EXD3: variants seen among roughly 807,000 people sequenced by gnomAD.
EXD3 encodes exonuclease 3'-5' domain containing 3.
A neutral mutation model predicts 98.0 loss-of-function variants in EXD3; 92 were observed. That is an observed-to-expected ratio of 0.94 (90% CI 0.79 to 1.12). The LOEUF is 1.12. Ranked by LOEUF, EXD3 falls within the 50% of genes most tolerant of loss-of-function variation. The probability of loss-of-function intolerance (pLI) is 0.00; values close to 1 mark genes in which losing one functional copy is unlikely to be tolerated. For synonymous variants in EXD3, 569 were observed against 526.0 expected (o/e 1.08, Z -1.12); for missense variants, 1,222 against 1,191.6 (o/e 1.03, Z -0.38).
intron 2 of EXD3, among the ~76,000 whole-genome samples, chr9:137,394,506 C>A (rs13284390): frequency 1.1e-5 from 1 of 94,598 alleles, no homozygotes; most frequent in Non-Finnish European, 2.2e-5. Context: ...TCCCTAACCC[C>A]GGCCTCCCAG....
At chr9:137,417,418 G>A (rs1208544325) in intron 1 of EXD3, among the ~76,000 whole-genome samples, 1 of 152,204 alleles carries the variant, frequency 6.6e-6, no homozygotes, top group Admixed American at 6.5e-5. Context: ...GTTCCGCGGC[G>A]CGGAGGCCCC....
At chr9:137,369,911 C>T (rs1285568879) in intron 5 of EXD3, among the ~76,000 whole-genome samples, 1 of 152,224 alleles carries the variant, frequency 6.6e-6, no homozygotes, top group Non-Finnish European at 1.5e-5. Flanking sequence ...CTCTGGGCAC[C>T]CGGGGCCTCT....
At chr9:137,363,034 C>A (rs1181621618) in intron 7 of EXD3, among the ~76,000 whole-genome samples, 3 of 152,094 alleles carry the variant, frequency 2.0e-5, no homozygotes, top group Admixed American at 6.5e-5. Flanking sequence ...TGGTCTTGAA[C>A]TCCTGACCTC....
chr9:137,395,445 A>ATTC lies in EXD3; in HGVS notation c.-47-42_-47-41insGAA. ...ATCAGGTGAATGCAGAGCCCACTGC[A>ATTC]ACAGGCAGCCATGCAGAGCCCACGC... On this transcript the variant is annotated intron_variant, in intron 1 of 21. Transcript: ENST00000340951. This position sits in a 1 kb window ranked among gnomAD's most constrained non-coding sequence, Gnocchi z 6.5. 6.3e-7 allele frequency: 1 copy of ATTC among 1,590,022 alleles called. No individual in the cohort carries two copies. The highest frequency in any genetic ancestry group is 8.6e-7 in the Non-Finnish European group (1 of 1,162,720).
rs1832289315 is a variant in EXD3 at position 137,324,629 on chromosome 9, C to G, written c.1999-486G>C. Among the ~76,000 whole-genome samples, 1 of 152,180 alleles carries G rather than the reference C, an allele frequency of 6.6e-6. No individual in the cohort carries two copies. Among genetic ancestry groups the G allele is most frequent in the Non-Finnish European group, 1.5e-5 (1 of 68,030 alleles). ...GAACTGTGGCATAAAACAGATGGAT[C>G]ATTTTGCTGATTTTGTGAGTATGAG... On this transcript the variant is annotated intron_variant, in intron 17 of 21. Transcript: ENST00000340951. This position sits in a 1 kb window ranked among gnomAD's most constrained non-coding sequence, Gnocchi z 4.1.
intron 14 of EXD3, among the ~76,000 whole-genome samples, chr9:137,350,614 T>G (rs1834242445): frequency 2.3e-5 from 1 of 43,002 alleles, no homozygotes. Context: ...GGGAGGGTTC[T>G]AGATAGAGAG....
chr9:137,400,803 A>C (rs1837446983), intron 1 of EXD3, among the ~76,000 whole-genome samples: 1 of 152,194 alleles, frequency 6.6e-6, no homozygotes. Context: ...AAATTGGACA[A>C]AACAAAGGGA....
intron 5 of EXD3, 48 bp downstream of exon 5, chr9:137,372,857 C>T (rs374566487): frequency 4.6e-5 from 73 of 1,582,552 alleles, no homozygotes; most frequent in Admixed American, 1.4e-4. Context: ...CTTGCCCCAC[C>T]GCCCGAGAAG....
rs1036374364 is a variant in EXD3 at position 137,363,896 on chromosome 9, T to C, written c.656+2597A>G. Among the ~76,000 whole-genome samples the C allele has an allele frequency of 3.8e-4, 58 of 152,292 alleles. 2 individuals carry two copies. The highest frequency in any genetic ancestry group is 1.6e-3 in the Admixed American group (24 of 15,298). ...CAATATCCCCTTACGACCACTTTAA[T>C]GTCTATACGGTCTGTAATAATGTCC... is the stretch of plus-strand genomic sequence containing the variant. On this transcript the variant is annotated intron_variant, in intron 7 of 21. Coordinates refer to ENST00000340951, the MANE Select transcript of EXD3 (RefSeq NM_017820.5).
Position 137,371,785 on chromosome 9 carries a change from G to C in EXD3, c.462+1120C>G, listed in dbSNP as rs1248171055. Among the ~76,000 whole-genome samples the C allele has an allele frequency of 6.6e-6, 1 of 151,812 alleles. No individual in the cohort carries two copies. The highest frequency in any genetic ancestry group is 2.4e-5 in the African/African-American group (1 of 41,326). On this transcript the variant is annotated intron_variant, in intron 5 of 21. Coordinates refer to ENST00000340951, the MANE Select transcript of EXD3 (RefSeq NM_017820.5). This position sits in a 1 kb window ranked among gnomAD's most constrained non-coding sequence, Gnocchi z 8.0. ...GACATCCCCTGGCAGGACACCCCCG[G>C]GCTTCTTTGCCGCACCTCGTGCTGC... is the stretch of plus-strand genomic sequence containing the variant.
chr9:137,316,490 C>T (rs990080019), intron 19 of EXD3, among the ~76,000 whole-genome samples: 3 of 152,168 alleles, frequency 2.0e-5, no homozygotes, highest in Non-Finnish European at 2.9e-5. Flanking sequence ...TGGGGCCGGT[C>T]CCGGCAGCAG....
At chr9:137,311,268 G>T (rs929652145) in intron 19 of EXD3, among the ~76,000 whole-genome samples, 2 of 152,202 alleles carry the variant, frequency 1.3e-5, no homozygotes, top group African/African-American at 2.4e-5. Context: ...TGGCCTCTGG[G>T]CCCAGCCCAG....
intron 1 of EXD3, among the ~76,000 whole-genome samples, chr9:137,408,914 G>T (rs1837864535): frequency 6.6e-6 from 1 of 152,218 alleles, no homozygotes; most frequent in African/African-American, 2.4e-5. Flanking sequence ...TTATCCCTGA[G>T]CTCAGGATGA....
chr9:137,352,235 C>T, intron 11 of EXD3, 34 bp from the exon 12 acceptor site: 1 of 1,611,158 alleles, frequency 6.2e-7, no homozygotes, highest in Non-Finnish European at 8.5e-7. Context: ...GCCCCCATGT[C>T]CCTGGTCCCC....
chr9:137,387,957 G>T (rs1047410763), intron 2 of EXD3, among the ~76,000 whole-genome samples: 13 of 152,232 alleles, frequency 8.5e-5, no homozygotes, highest in African/African-American at 2.4e-4. Context: ...GGTCTAGGAC[G>T]CTGAGACAGA....
At chr9:137,318,617 C>T (rs1316270628) in intron 19 of EXD3, among the ~76,000 whole-genome samples, 1 of 152,058 alleles carries the variant, frequency 6.6e-6, no homozygotes, top group Non-Finnish European at 1.5e-5. Context: ...ACGTTCCCCA[C>T]CCCCACCCTG....
At chr9:137,382,471 G>A (rs965853179) in intron 3 of EXD3, among the ~76,000 whole-genome samples, 2 of 152,142 alleles carry the variant, frequency 1.3e-5, no homozygotes, top group South Asian at 2.1e-4. Flanking sequence ...CGTCACAGAC[G>A]AAGGTCCGAC....
intron 1 of EXD3, among the ~76,000 whole-genome samples, chr9:137,400,785 A>G (rs1837445884): frequency 6.6e-6 from 1 of 152,130 alleles, no homozygotes; most frequent in Non-Finnish European, 1.5e-5. Flanking sequence ...AAAAGTTCCA[A>G]ATGGGAGAAA....
chr9:137,348,122 A>C lies in EXD3; in HGVS notation c.1947T>G (p.Gly649=), dbSNP rs749030027. ...CATTGCCCAGCATGCGTGCATCCAC[A>C]CCGAGACAGCGGAGGCTCCGTGCCA... The part of the protein sequence containing the change: ...QGLARSLRCL[G]VDARMLGNGE... Residue 649 remains glycine, a synonymous_variant, in exon 17 of 22, where the codon GGT becomes GGG. Transcript: ENST00000340951. The C allele has an allele frequency of 6.2e-7, 1 of 1,612,206 alleles. No homozygotes were observed. The highest frequency in any genetic ancestry group is 8.5e-7 in the Non-Finnish European group (1 of 1,179,724).
Sources: allele counts gnomAD v4.1 joint callset (sites outside exome capture counted in the v4.1 genomes callset), GRCh38; gene constraint gnomAD v4.1.1; non-coding constraint Gnocchi (gnomAD v3.1); transcripts MANE v1.5; gene names NCBI Gene and HGNC (gene_info 2026-07-23, HGNC 2026-07-21).